The following SGSM3 variants were observed in gnomAD, a reference collection of about 807,000 sequenced individuals.
SGSM3 encodes the protein small G protein signaling modulator 3.
SGSM3 carries 96 observed loss-of-function variants against 100.5 expected under a neutral mutation model. The ratio of observed to expected loss-of-function variants is 0.96; its 90% confidence interval spans 0.81 to 1.13. SGSM3 has a LOEUF of 1.13. Among genes scored for constraint, SGSM3 ranks in the 50% most tolerant of loss-of-function variants. The pLI, the probability that SGSM3 is intolerant of heterozygous loss-of-function variation, is 0.00. For missense variants in SGSM3, 1,001 were observed against 1,015.8 expected, an observed-to-expected ratio of 0.99 and a Z score of 0.20; for synonymous variants, 483 against 422.8, an observed-to-expected ratio of 1.14 and a Z score of -1.75.
chr22:40,405,587 G>T, intron 7 of SGSM3, 62 bp from the exon 8 acceptor site: 1 of 1,479,042 alleles, frequency 6.8e-7, no homozygotes, highest in Non-Finnish European at 9.3e-7. Flanking sequence ...TAGGGTAGGG[G>T]CACCTTTTCT....
At chr22:40,397,009 C>G (rs1354818749) in intron 1 of SGSM3, among the ~76,000 whole-genome samples, 2 of 152,192 alleles carry the variant, frequency 1.3e-5, no homozygotes, top group African/African-American at 4.8e-5. Context: ...CTTTCTGCCT[C>G]TCAGTACTCC....
In SGSM3 at chr22:40,374,030, G is replaced by A. The variant is rs902783145; in HGVS notation, c.-112+3342G>A. Reference sequence around the variant, plus strand: ...GTGGCGTGATCTCGGCTCACTGCAAGCTCTGCCTCCCGGGTTTATTTACGC... The same window carrying A: ...GTGGCGTGATCTCGGCTCACTGCAAACTCTGCCTCCCGGGTTTATTTACGC... On this transcript the variant is annotated intron_variant, in intron 1 of 21. Coordinates refer to ENST00000248929, the MANE Select transcript of SGSM3 (RefSeq NM_015705.6). 3.3e-5 allele frequency among the ~76,000 whole-genome samples: 5 copies of A among 151,848 alleles called. No individual in the cohort carries two copies. The East Asian group carries it at 9.7e-4, about 29-fold the overall frequency.
At position 40,407,558 on chromosome 22, in the gene SGSM3, ACAT is replaced by A. The variant is rs754527113; in HGVS notation, c.1520_1522del (p.Ile507del). On this transcript the variant is annotated inframe_deletion, in exon 13 of 22. Coordinates refer to ENST00000248929, the MANE Select transcript of SGSM3 (RefSeq NM_015705.6). This position sits in a 1 kb window ranked among gnomAD's most constrained non-coding sequence, Gnocchi z 4.7. ...GACGAGCTGGGCTTCCGCAAGAACG[ACAT>A]CATCACAGTGCGTGGGGGCGCTGGA... is the stretch of plus-strand genomic sequence containing the variant. 7 of 1,603,494 alleles carry A rather than the reference ACAT, an allele frequency of 4.4e-6. No individual in the cohort carries two copies. In the South Asian group the frequency reaches 7.7e-5, roughly 18 times the overall value.
rs2051471853 is a variant in SGSM3 at position 40,406,151 on chromosome 22, C to T, written c.888C>T (p.Arg296=). Residue 296 remains arginine (R), a synonymous_variant, in exon 9 of 22, where the codon CGC becomes CGT. Transcript: ENST00000248929. The stretch of plus-strand genomic sequence containing the variant: ...TGGTGGACATCAAGCTGCTCCTGCG[C>T]ATCTGGGACCTGTTTTTCTACGAGG... ...ASVVDIKLLL[R]IWDLFFYEGS... 1.2e-6 allele frequency: 2 copies of T among 1,614,172 alleles called. No individual in the cohort carries two copies.
At chr22:40,397,232 A>G (rs893907856) in intron 1 of SGSM3, among the ~76,000 whole-genome samples, 1 of 152,080 alleles carries the variant, frequency 6.6e-6, no homozygotes, top group Non-Finnish European at 1.5e-5. Context: ...ATACATTTAT[A>G]TGTGTGTGTA....
chr22:40,401,449 T>A, intron 2 of SGSM3, 144 bp from the exon 3 acceptor site: 3 of 572,066 alleles, frequency 5.2e-6, no homozygotes, highest in South Asian at 1.5e-5. Context: ...TTTCTCCATG[T>A]TGGCCAGGCT....
intron 16 of SGSM3, 57 bp from the exon 17 acceptor site, chr22:40,408,570 G>C: frequency 6.2e-7 from 1 of 1,606,534 alleles, no homozygotes; most frequent in South Asian, 1.1e-5. Flanking sequence ...TCGGCCCCAA[G>C]GGCTTTGAAC....
intron 8 of SGSM3, 54 bp downstream of exon 8, chr22:40,405,898 G>A (rs992079631): frequency 3.0e-5 from 47 of 1,552,982 alleles, no homozygotes; most frequent in Middle Eastern, 1.8e-4. Flanking sequence ...GGACTCAGGC[G>A]GGTGGCCGAG....
chr22:40,401,495 C>G lies in SGSM3; in HGVS notation c.8-98C>G. On this transcript the variant is annotated intron_variant, in intron 2 of 21. Coordinates refer to ENST00000248929, the MANE Select transcript of SGSM3 (RefSeq NM_015705.6). The stretch of plus-strand genomic sequence containing the variant: ...TCCTGACCTCAGGTGATCTGCCCAC[C>G]TCGGCCTCCCAAAGTACTGAGATTA... The G allele has an allele frequency of 7.8e-6, 7 of 894,154 alleles. No individual in the cohort carries two copies. The South Asian group carries it at 9.1e-5, about 12-fold the overall frequency. The allele number at this position is 894,154 out of a possible 1,614,324, so 55.4% of individuals were successfully genotyped here. A position where few individuals can be genotyped will look rare whatever the true frequency, so the allele number is the denominator to read the frequency against.
rs746915291 is a variant in SGSM3, at chr22:40,408,436, C to T, written c.1782+7C>T. 3 of 1,613,282 alleles carry T rather than the reference C, an allele frequency of 1.9e-6. No individual in the cohort carries two copies. Among genetic ancestry groups the T allele is most frequent in the Non-Finnish European group, 2.5e-6 (3 of 1,179,918 alleles). On this transcript the variant is annotated splice_region_variant and intron_variant, in intron 16 of 21. Transcript: ENST00000248929. ...CTGGCTGTTTATCGAGGAGGTAAGTCAGTGGCTGGGCCCATGACCCCCACC... is the reference window on the plus strand; with the variant it reads ...CTGGCTGTTTATCGAGGAGGTAAGTTAGTGGCTGGGCCCATGACCCCCACC...
At chr22:40,408,564 C>T in intron 16 of SGSM3, 63 bp from the exon 17 acceptor site, 1 of 1,601,508 alleles carries the variant, frequency 6.2e-7, no homozygotes, top group Non-Finnish European at 8.6e-7. Flanking sequence ...GCCCAGTCGG[C>T]CCCAAGGGCT....
In SGSM3 at chr22:40,409,908, T is replaced by C; in HGVS notation, c.*149T>C. 7.1e-7 allele frequency: 1 copy of C among 1,415,918 alleles called. No individual in the cohort carries two copies. The highest frequency in any genetic ancestry group is 9.2e-7 in the Non-Finnish European group (1 of 1,090,924). 87.7% of individuals were successfully genotyped at this position (1,415,918 alleles called of 1,614,324 possible). The stretch of plus-strand genomic sequence containing the variant: ...GCCCCACTCCACGTTCCCCAGCACA[T>C]CCCAGGTGGTGGGAGCAGAGGGTAC... On this transcript the variant is annotated 3_prime_UTR_variant, in exon 22 of 22. Transcript: ENST00000248929.
At chr22:40,401,762 G>A in intron 3 of SGSM3, 87 bp downstream of exon 3, 2 of 1,116,172 alleles carry the variant, frequency 1.8e-6, no homozygotes, top group South Asian at 2.5e-5. Context: ...CCAGGAAGAG[G>A]TGGCCAACTC....
chr22:40,397,585 G>A (rs2146933376), intron 1 of SGSM3, among the ~76,000 whole-genome samples: 1 of 152,308 alleles, frequency 6.6e-6, no homozygotes, highest in African/African-American at 2.4e-5. Context: ...CACTGAGAAT[G>A]AAGCCCAGAA....
chr22:40,391,433 C>A (rs899047418), intron 1 of SGSM3, among the ~76,000 whole-genome samples: 1 of 152,108 alleles, frequency 6.6e-6, no homozygotes, highest in Non-Finnish European at 1.5e-5. Context: ...CATAGTGAGA[C>A]CCGGTCTCTA....
chr22:40,389,619 A>G (rs966725964), intron 1 of SGSM3, among the ~76,000 whole-genome samples: 17 of 120,016 alleles, frequency 1.4e-4, no homozygotes, highest in Non-Finnish European at 2.8e-4. Context: ...AAAAAAAAAA[A>G]AAAAAGGGCC....
intron 1 of SGSM3, among the ~76,000 whole-genome samples, chr22:40,384,330 A>G (rs182598119): frequency 9.2e-5 from 14 of 152,356 alleles, no homozygotes; most frequent in Middle Eastern, 6.8e-3. Flanking sequence ...AAACAGGAAT[A>G]TTAAAAAGAA....
At chr22:40,396,613 AAAAG>A (rs1290839155) in intron 1 of SGSM3, among the ~76,000 whole-genome samples, 6 of 151,806 alleles carry the variant, frequency 4.0e-5, no homozygotes, top group African/African-American at 9.7e-5. Context: ...AAAAAAAAAA[AAAAG>A]AAGTATTTTT....
intron 1 of SGSM3, among the ~76,000 whole-genome samples, chr22:40,378,863 T>C (rs1357384594): frequency 2.0e-5 from 3 of 152,218 alleles, no homozygotes; most frequent in Admixed American, 1.3e-4. Context: ...TAGAGTTCTT[T>C]TTAGAAGATT....
Sources: gnomAD v4.1 joint callset for allele counts (sites outside exome capture counted in the v4.1 genomes callset) on GRCh38, gnomAD v4.1.1 for gene constraint, Gnocchi (gnomAD v3.1) non-coding constraint, MANE v1.5 for transcripts, NCBI Gene and HGNC (gene_info 2026-07-23, HGNC 2026-07-21) for gene names.